The following MAF variants were observed in gnomAD, a reference collection of about 807,000 sequenced individuals.
The protein encoded by MAF is transcription factor Maf.
A neutral mutation model predicts 22.0 loss-of-function variants in MAF; 10 were observed. The observed-to-expected ratio is 0.45, with a 90% CI of 0.28 to 0.77. The LOEUF (loss-of-function observed/expected upper bound fraction) is 0.77, where lower values mean the gene tolerates loss of function less well. Ranked by LOEUF, MAF falls within the 30% of genes least tolerant of loss-of-function variation. The probability of loss-of-function intolerance (pLI) is 0.12; values close to 1 mark genes in which losing one functional copy is unlikely to be tolerated. For missense variants in MAF, 544 were observed against 548.4 expected (o/e 0.99, Z 0.08); for synonymous variants, 337 against 255.8 (o/e 1.32, Z -3.03).
chr16:79,369,338 A>G, the MAF span, among the ~76,000 whole-genome samples: 1 of 152,162 alleles, frequency 6.6e-6, no homozygotes, highest in Non-Finnish European at 1.5e-5. Flanking sequence ...TAGTGACCCC[A>G]GTGATTCTTG....
the MAF span, chr16:79,203,739 C>T: frequency 6.6e-6 from 1 of 152,238 alleles, no homozygotes; most frequent in South Asian, 2.1e-4. Flanking sequence ...GTTTGTTTTA[C>T]CTGTAGTATG....
chr16:79,253,100 C>A, the MAF span, among the ~76,000 whole-genome samples: 1 of 152,142 alleles, frequency 6.6e-6, no homozygotes, highest in African/African-American at 2.4e-5. Context: ...TATAATTACC[C>A]GGTCCTCCTG....
At chr16:79,232,369 A>C in the MAF span, among the ~76,000 whole-genome samples, 1 of 152,250 alleles carries the variant, frequency 6.6e-6, no homozygotes, top group Non-Finnish European at 1.5e-5. Context: ...AATTTGCATA[A>C]GAACATTTTC....
the MAF span, among the ~76,000 whole-genome samples, chr16:79,278,216 C>T: frequency 1.3e-5 from 2 of 152,214 alleles, no homozygotes; most frequent in Admixed American, 6.5e-5. Context: ...GACAGCCATC[C>T]TTTGCCCAAA....
chr16:79,477,193 T>A, the MAF span, among the ~76,000 whole-genome samples: 2 of 152,182 alleles, frequency 1.3e-5, no homozygotes, highest in Admixed American at 1.3e-4. Flanking sequence ...ATGACACTCC[T>A]CTTCTTGGGG....
At chr16:79,432,691 A>G in the MAF span, among the ~76,000 whole-genome samples, 111,119 of 152,014 alleles carry the variant, frequency 0.73, 40,561 homozygotes, top group East Asian at 0.85. Context: ...CTGGAGTAGG[A>G]TGGCCCCTAA....
the MAF span, among the ~76,000 whole-genome samples, chr16:79,502,695 AAATATAAATATAAAT>A: frequency 3.4e-3 from 67 of 19,838 alleles, no homozygotes; most frequent in African/African-American, 0.011. Flanking sequence ...ATATAAATAT[AAATATAAATATAAAT>A]ATATATATAT....
the MAF span, among the ~76,000 whole-genome samples, chr16:79,569,614 G>T: frequency 2.0e-5 from 3 of 152,144 alleles, no homozygotes; most frequent in Non-Finnish European, 4.4e-5. Flanking sequence ...TGATTCTGAT[G>T]TTCACTGAAG....
At chr16:79,545,893 G>A in the MAF span, among the ~76,000 whole-genome samples, 1 of 151,928 alleles carries the variant, frequency 6.6e-6, no homozygotes, top group East Asian at 1.9e-4. Context: ...GATTTTAAGT[G>A]TTTTCACTAC....
At chr16:79,583,005 C>G (rs774614624), downstream of MAF, among the ~76,000 whole-genome samples, 9 of 152,174 alleles carry the variant, frequency 5.9e-5, no homozygotes, top group Non-Finnish European at 1.0e-4. Context: ...CGTGGTTCAC[C>G]ATTTCTGTTA....
At chr16:79,502,702 A>T in the MAF span, among the ~76,000 whole-genome samples, 73 of 86,438 alleles carry the variant, frequency 8.4e-4, 1 homozygote, top group African/African-American at 5.3e-3. Context: ...TATAAATATA[A>T]ATATAAATAT....
chr16:79,237,369 G>C, the MAF span, among the ~76,000 whole-genome samples: 1 of 152,042 alleles, frequency 6.6e-6, no homozygotes, highest in Admixed American at 6.6e-5. Context: ...TGGCTTGGGA[G>C]GGAAGGGTTT....
chr16:79,370,417 C>T, the MAF span, among the ~76,000 whole-genome samples: 103 of 152,294 alleles, frequency 6.8e-4, no homozygotes, highest in South Asian at 0.02. Flanking sequence ...TCTGGACTCA[C>T]AGAGGTTCTG....
At chr16:79,229,831 A>T in the MAF span, among the ~76,000 whole-genome samples, 2 of 152,002 alleles carry the variant, frequency 1.3e-5, no homozygotes, top group Non-Finnish European at 2.9e-5. Flanking sequence ...AGGGTCCTAA[A>T]TTCCCTTCCT....
At chr16:79,335,899 C>T in the MAF span, among the ~76,000 whole-genome samples, 1 of 152,126 alleles carries the variant, frequency 6.6e-6, no homozygotes, top group South Asian at 2.1e-4. Flanking sequence ...CAGGGAAGAG[C>T]CAGAGTTTGA....
In MAF at chr16:79,594,384, G is replaced by C. The variant is rs1360587393; in HGVS notation, c.*76C>G. 12 of 1,274,866 alleles carry C rather than the reference G, an allele frequency of 9.4e-6. No individual in the cohort carries two copies. In the Admixed American group the frequency reaches 1.6e-4, roughly 17 times the overall value. 79.0% of individuals were successfully genotyped at this position (1,274,866 alleles called of 1,614,324 possible). On this transcript the variant is annotated 3_prime_UTR_variant, in exon 2 of 2. Coordinates refer to ENST00000326043, the MANE Select transcript of MAF (RefSeq NM_005360.5). Reference sequence around the variant, plus strand: ...AAAAAGGAGACTAAACAGAAGTCAGGGGTAGGTGGTTCTCCATGACTGCAA... The same window carrying C: ...AAAAAGGAGACTAAACAGAAGTCAGCGGTAGGTGGTTCTCCATGACTGCAA...
At chr16:79,469,384 TG>T in the MAF span, among the ~76,000 whole-genome samples, 1 of 152,162 alleles carries the variant, frequency 6.6e-6, no homozygotes, top group South Asian at 2.1e-4. Flanking sequence ...AGACAGATCT[TG>T]TTTGATGACC....
the MAF span, among the ~76,000 whole-genome samples, chr16:79,538,652 G>C: frequency 6.6e-6 from 1 of 152,102 alleles, no homozygotes; most frequent in Middle Eastern, 3.4e-3. Context: ...ATATTGCTGG[G>C]AGATATAAAT....
the MAF span, among the ~76,000 whole-genome samples, chr16:79,266,023 T>C: frequency 7.0e-6 from 1 of 142,216 alleles, no homozygotes; most frequent in Non-Finnish European, 1.5e-5. Flanking sequence ...CTCCTTTCTT[T>C]TCTTCTTTTC....
Sources: allele counts gnomAD v4.1 joint callset (sites outside exome capture counted in the v4.1 genomes callset), GRCh38; gene constraint gnomAD v4.1.1; transcripts MANE v1.5; gene names NCBI Gene and HGNC (gene_info 2026-07-23, HGNC 2026-07-21).